Variants in PDE4B observed in about 807,000 individuals in gnomAD.
The protein encoded by PDE4B is phosphodiesterase 4B, also known as 3',5'-cyclic-AMP phosphodiesterase 4B.
A neutral mutation model predicts 82.2 loss-of-function variants in PDE4B; 20 were observed. That is an observed-to-expected ratio of 0.24 (90% CI 0.17 to 0.35). The LOEUF (loss-of-function observed/expected upper bound fraction) is 0.35. Among genes scored for constraint, PDE4B ranks in the 10% least tolerant of loss-of-function variants. The probability of loss-of-function intolerance (pLI) is 1.00; values close to 1 mark genes in which losing one functional copy is unlikely to be tolerated. For missense variants in PDE4B, 655 were observed against 907.2 expected, an observed-to-expected ratio of 0.72 and a Z score of 3.57; for synonymous variants, 320 against 318.9, an observed-to-expected ratio of 1.00 and a Z score of -0.04.
Position 66,372,498 on chromosome 1 carries a change from G to A in PDE4B, c.2031G>A (p.Lys677=). The change falls in exon 17 of 17, where the codon AAG becomes AAA. Residue 677 remains lysine (K), a synonymous_variant. Transcript: ENST00000341517. ...GGGACTGCCAGGGTCTGATGGAGAAGTTTCAGTTTGAACTGACTCTCGATG... is the reference window on the plus strand; with the variant it reads ...GGGACTGCCAGGGTCTGATGGAGAAATTTCAGTTTGAACTGACTCTCGATG... ...QNRDCQGLME[K]FQFELTLDEE... 3 of 1,614,144 alleles carry A rather than the reference G, an allele frequency of 1.9e-6. No homozygotes were observed. The South Asian group carries it at 3.3e-5, about 18-fold the overall frequency.
chr1:66,144,914 T>C (rs750186395), intron 3 of PDE4B, among the ~76,000 whole-genome samples: 1 of 152,212 alleles, frequency 6.6e-6, no homozygotes, highest in African/African-American at 2.4e-5. Flanking sequence ...TAGTCTACTT[T>C]CATACACTTC....
At chr1:65,974,626 C>T (rs12040823) in intron 3 of PDE4B, among the ~76,000 whole-genome samples, 22,821 of 152,072 alleles carry the variant, frequency 0.15, 3,637 homozygotes, top group African/African-American at 0.39. Flanking sequence ...GAGGAGGGAT[C>T]TGGTGGGAGG....
intron 16 of PDE4B, among the ~76,000 whole-genome samples, chr1:66,371,635 A>C (rs1402069115): frequency 1.3e-5 from 2 of 152,172 alleles, no homozygotes; most frequent in African/African-American, 4.8e-5. Flanking sequence ...ATGGATGTCC[A>C]CCGAGGGGAT....
intron 3 of PDE4B, among the ~76,000 whole-genome samples, chr1:66,162,848 T>G (rs1386090767): frequency 6.6e-6 from 1 of 152,170 alleles, no homozygotes; most frequent in Non-Finnish European, 1.5e-5. Flanking sequence ...AGGAGTGAGT[T>G]AAGTACTATC....
At chr1:66,307,463 A>C (rs1289277916) in intron 7 of PDE4B, among the ~76,000 whole-genome samples, 1 of 152,198 alleles carries the variant, frequency 6.6e-6, no homozygotes, top group Non-Finnish European at 1.5e-5. Flanking sequence ...CCTCCACAGC[A>C]CAAAGTGGTG....
At chr1:66,345,379 T>C (rs1661316863) in intron 8 of PDE4B, among the ~76,000 whole-genome samples, 1 of 152,250 alleles carries the variant, frequency 6.6e-6, no homozygotes, top group Non-Finnish European at 1.5e-5. Context: ...TCAGTTTAGA[T>C]ATCACCTCTT....
At chr1:66,114,316 C>CATG in intron 3 of PDE4B, among the ~76,000 whole-genome samples, 1 of 152,108 alleles carries the variant, frequency 6.6e-6, no homozygotes, top group East Asian at 1.9e-4. Context: ...GTTACCTGAA[C>CATG]AGACTAAGAC....
intron 1 of PDE4B, among the ~76,000 whole-genome samples, chr1:65,898,610 A>G (rs1411115039): frequency 6.6e-6 from 1 of 152,180 alleles, no homozygotes; most frequent in Non-Finnish European, 1.5e-5. Context: ...ACTCGTATAA[A>G]AATAGGCACA....
chr1:66,225,589 C>T (rs896239735), intron 3 of PDE4B, among the ~76,000 whole-genome samples: 9 of 152,176 alleles, frequency 5.9e-5, no homozygotes, highest in African/African-American at 1.9e-4. Flanking sequence ...TAGAGCAAGA[C>T]GTCTTATGCA....
At position 66,372,588 on chromosome 1, in the gene PDE4B, G is replaced by A. The variant is rs753402825; in HGVS notation, c.2121G>A (p.Thr707=). 8 of 1,613,948 alleles carry A rather than the reference G, an allele frequency of 5.0e-6. No homozygotes were observed. The highest frequency in any genetic ancestry group is 4.5e-5 in the East Asian group (2 of 44,894). Residue 707 remains threonine (T), a synonymous_variant, in exon 17 of 17, where the codon ACG becomes ACA. Coordinates refer to ENST00000341517, the MANE Select transcript of PDE4B (RefSeq NM_002600.4). ...ACAGCTATTTCAGCAGCACAAAGAC[G>A]CTTTGTGTGATTGATCCAGAAAACA... The part of the protein sequence containing the change: ...EGHSYFSSTK[T]LCVIDPENRD...
chr1:66,057,774 A>G (rs550312587), intron 3 of PDE4B, among the ~76,000 whole-genome samples: 2 of 152,286 alleles, frequency 1.3e-5, no homozygotes, highest in South Asian at 4.1e-4. Context: ...GTTATTTCCC[A>G]CCGGGTCCCT....
chr1:66,227,647 A>G (rs1651560443), intron 3 of PDE4B, among the ~76,000 whole-genome samples: 3 of 152,172 alleles, frequency 2.0e-5, no homozygotes, highest in Admixed American at 6.6e-5. Flanking sequence ...ATTGATACAA[A>G]CACAGATTTA....
At chr1:65,843,269 A>G (rs1646229608) in intron 1 of PDE4B, among the ~76,000 whole-genome samples, 1 of 152,056 alleles carries the variant, frequency 6.6e-6, no homozygotes, top group Non-Finnish European at 1.5e-5. Flanking sequence ...ACATACTTAC[A>G]CTTCCTAGGA....
rs776745565 is a variant in PDE4B, at chr1:66,252,699, AC to A, written c.477-4947del. Reference sequence around the variant, plus strand: ...GGGCGTGGTGGCCTGTAATCCCAGCACTTTGGGAGGCTAAGGTGGGTGGATC... The same window carrying A: ...GGGCGTGGTGGCCTGTAATCCCAGCATTTGGGAGGCTAAGGTGGGTGGATC... On this transcript the variant is annotated intron_variant, in intron 4 of 16. Coordinates refer to ENST00000341517, the MANE Select transcript of PDE4B (RefSeq NM_002600.4). Among the ~76,000 whole-genome samples, 75 of 152,280 alleles carry A rather than the reference AC, an allele frequency of 4.9e-4. 1 individual carries two copies. The highest frequency in any genetic ancestry group is 3.1e-4 in the Non-Finnish European group (21 of 68,022).
At chr1:65,844,380 G>C (rs895569330) in intron 1 of PDE4B, among the ~76,000 whole-genome samples, 56 of 152,152 alleles carry the variant, frequency 3.7e-4, no homozygotes, top group South Asian at 2.1e-4. Flanking sequence ...GAAGTGTTTG[G>C]CATCGCCTTG....
At chr1:66,308,000 A>G (rs550040975) in intron 7 of PDE4B, among the ~76,000 whole-genome samples, 39 of 152,264 alleles carry the variant, frequency 2.6e-4, no homozygotes, top group Admixed American at 2.3e-3. Flanking sequence ...AGGAAAAATT[A>G]GATAAATCAT....
At chr1:66,019,482 A>C (rs1202871828) in intron 3 of PDE4B, among the ~76,000 whole-genome samples, 1 of 149,914 alleles carries the variant, frequency 6.7e-6, no homozygotes, top group Non-Finnish European at 1.5e-5. Flanking sequence ...CTGCCTCCTG[A>C]GTAGCTGGGA....
intron 7 of PDE4B, among the ~76,000 whole-genome samples, chr1:66,292,551 C>A (rs1449824511): frequency 6.6e-6 from 1 of 152,068 alleles, no homozygotes; most frequent in African/African-American, 2.4e-5. Flanking sequence ...GTAAAAATGA[C>A]AGAATAATGC....
intron 11 of PDE4B, 52 bp downstream of exon 11, chr1:66,363,318 T>C: frequency 1.5e-6 from 2 of 1,350,138 alleles, no homozygotes. Context: ...CTCTTTATGA[T>C]TTTTTTTTTC....
Sources: allele counts gnomAD v4.1 joint callset (sites outside exome capture counted in the v4.1 genomes callset), GRCh38; gene constraint gnomAD v4.1.1; transcripts MANE v1.5; gene names NCBI Gene and HGNC (gene_info 2026-07-23, HGNC 2026-07-21).